TOMM40: variants seen among roughly 807,000 people sequenced by gnomAD.
TOMM40 encodes the protein mitochondrial import receptor subunit TOM40 homolog.
In TOMM40, 9 loss-of-function variants were observed where a neutral mutation model predicts 38.4. The observed-to-expected ratio is 0.23, with a 90% CI of 0.14 to 0.41. The LOEUF (loss-of-function observed/expected upper bound fraction) is 0.41, where lower values mean the gene tolerates loss of function less well. Among genes scored for constraint, TOMM40 ranks in the 10% least tolerant of loss-of-function variants. TOMM40 has a pLI of 1.00. For missense variants in TOMM40, 299 were observed against 486.5 expected (o/e 0.61, Z 3.63); for synonymous variants, 184 against 210.0 (o/e 0.88, Z 1.07).
At position 44,891,700 on chromosome 19, in the gene TOMM40, A is replaced by G; in HGVS notation, c.274+11A>G. The G allele has an allele frequency of 7.0e-7, 1 of 1,438,546 alleles. No individual in the cohort carries two copies. Among genetic ancestry groups the G allele is most frequent in the South Asian group, 1.3e-5 (1 of 74,278 alleles). 89.1% of individuals were successfully genotyped at this position (1,438,546 alleles called of 1,614,324 possible). A position where few individuals can be genotyped will look rare whatever the true frequency, so the allele number is the denominator to read the frequency against. On this transcript the variant is annotated intron_variant, in intron 1 of 8. Transcript: ENST00000426677. The stretch of plus-strand genomic sequence containing the variant: ...ACCGGAAGTGCAAGGGTGAGGGGCG[A>G]GGGGCCCCCGCTGGGCTGCGATGGC...
chr19:44,894,051 G>A lies in TOMM40; in HGVS notation c.628G>A (p.Val210Ile), dbSNP rs373123327. ...AGCCGTCACCCTGGGGAACCCAGAC[G>A]TCCTCGTGGGTTCAGGTAAGAGGCG... is the stretch of plus-strand genomic sequence containing the variant. ...TAAVTLGNPD[V>I]LVGSGILVAH... Residue 210 changes from valine to isoleucine, a missense_variant, in exon 5 of 9, where the codon GTC becomes ATC. Physicochemically the swap from Val to Ile is conservative, Grantham distance 29. Transcript: ENST00000426677. 7.3e-5 allele frequency: 110 copies of A among 1,515,514 alleles called. No individual in the cohort carries two copies. The highest frequency in any genetic ancestry group is 4.9e-4 in the African/African-American group (35 of 71,804). The allele number at this position is 1,515,514 out of a possible 1,614,324, so 93.9% of individuals were successfully genotyped here.
chr19:44,899,994 A>G (rs890593260), intron 5 of TOMM40, among the ~76,000 whole-genome samples: 3 of 151,236 alleles, frequency 2.0e-5, no homozygotes, highest in Non-Finnish European at 2.9e-5. Flanking sequence ...TTCCTCCCCA[A>G]TTCTTCTGGC....
At chr19:44,898,272 C>T (rs918597599) in intron 5 of TOMM40, among the ~76,000 whole-genome samples, 1 of 152,156 alleles carries the variant, frequency 6.6e-6, no homozygotes, top group Admixed American at 6.5e-5. Context: ...TGTGGGGCCC[C>T]TAGTCTGCCC....
intron 2 of TOMM40, 55 bp from the exon 3 acceptor site, chr19:44,892,782 T>C: frequency 6.8e-7 from 1 of 1,463,014 alleles, no homozygotes; most frequent in Non-Finnish European, 9.6e-7. Flanking sequence ...CCTTGCCCTC[T>C]TCAGTGGGCA....
At chr19:44,902,725 C>T (rs1568611888) in intron 8 of TOMM40, 1 of 268,008 alleles carries the variant, frequency 3.7e-6, no homozygotes, top group Non-Finnish European at 7.1e-6. Flanking sequence ...GGTGACCAGC[C>T]CTGTCTTCAC....
At position 44,891,567 on chromosome 19, in the gene TOMM40, G is replaced by A. The variant is rs1211297703; in HGVS notation, c.152G>A (p.Ser51Asn). The A allele has an allele frequency of 1.0e-5, 15 of 1,444,342 alleles. No individual in the cohort carries two copies. The highest frequency in any genetic ancestry group is 1.5e-5 in the African/African-American group (1 of 67,682). 89.5% of individuals were successfully genotyped at this position (1,444,342 alleles called of 1,614,324 possible). A position where few individuals can be genotyped will look rare whatever the true frequency, so the allele number is the denominator to read the frequency against. Residue 51 changes from serine to asparagine, a missense_variant, in exon 1 of 9, where the codon AGT becomes AAT. Transcript: ENST00000426677. ...AGCCTGGGCGCCGGCACCAGTACGAGTCGAAGTTCGGAACGGACCCCCGGG... is the reference window on the plus strand; with the variant it reads ...AGCCTGGGCGCCGGCACCAGTACGAATCGAAGTTCGGAACGGACCCCCGGG... ...GGSLGAGTSTSRSSERTPGAA... is the reference protein window; with the variant it reads ...GGSLGAGTSTNRSSERTPGAA...
chr19:44,903,069 A>G lies in TOMM40; in HGVS notation c.986A>G (p.Glu329Gly). 6.2e-7 allele frequency: 1 copy of G among 1,613,026 alleles called. No homozygotes were observed. Among genetic ancestry groups the G allele is most frequent in the Non-Finnish European group, 8.5e-7 (1 of 1,179,992 alleles). Residue 329 changes from glutamate to glycine, a missense_variant, in exon 9 of 9, where the codon GAG (glutamate) becomes GGG (glycine). By Grantham distance (98) the Glu-to-Gly change is moderately conservative. Transcript: ENST00000426677. ...DSNWIVGATL[E>G]KKLPPLPLTL... ...AACTGGATCGTGGGTGCCACGCTGGAGAAGAAGCTCCCACCCCTGCCCCTG... is the reference window on the plus strand; with the variant it reads ...AACTGGATCGTGGGTGCCACGCTGGGGAAGAAGCTCCCACCCCTGCCCCTG...
intron 5 of TOMM40, among the ~76,000 whole-genome samples, chr19:44,900,500 C>G (rs1417026098): frequency 6.6e-6 from 1 of 152,150 alleles, no homozygotes; most frequent in Non-Finnish European, 1.5e-5. Flanking sequence ...ACCACATGGG[C>G]TTGTGTCGAC....
chr19:44,896,584 C>T (rs1240724392), intron 5 of TOMM40, among the ~76,000 whole-genome samples: 1 of 152,164 alleles, frequency 6.6e-6, no homozygotes, highest in South Asian at 2.1e-4. Context: ...CCCAGGGTGA[C>T]ACAGCCAGGA....
intron 8 of TOMM40, chr19:44,901,669 G>C (rs144738835): frequency 8.5e-4 from 318 of 372,368 alleles, no homozygotes; most frequent in African/African-American, 6.1e-3. Flanking sequence ...CCCAGGAGGC[G>C]GAGCTTGCGG....
At chr19:44,897,584 C>T (rs1428399175) in intron 5 of TOMM40, among the ~76,000 whole-genome samples, 1 of 152,060 alleles carries the variant, frequency 6.6e-6, no homozygotes, top group Non-Finnish European at 1.5e-5. Flanking sequence ...TCCCAAGTAG[C>T]TGGGATTACA....
chr19:44,897,355 T>C (rs1277869049), intron 5 of TOMM40, among the ~76,000 whole-genome samples: 3 of 152,168 alleles, frequency 2.0e-5, no homozygotes, highest in Non-Finnish European at 4.4e-5. Flanking sequence ...ATGGCTGCTT[T>C]TCCCTCTGGG....
chr19:44,891,775 C>G, intron 1 of TOMM40, 86 bp downstream of exon 1: 1 of 1,288,348 alleles, frequency 7.8e-7, no homozygotes, highest in Non-Finnish European at 1.0e-6. Flanking sequence ...GGATTTGGCG[C>G]GCACCATTGG....
intron 5 of TOMM40, among the ~76,000 whole-genome samples, chr19:44,898,033 C>T (rs2122765156): frequency 6.6e-6 from 1 of 152,240 alleles, no homozygotes; most frequent in Non-Finnish European, 1.5e-5. Flanking sequence ...GGACCAGCTG[C>T]AGCCTACTTC....
At position 44,891,717 on chromosome 19, in the gene TOMM40, T is replaced by C. The variant is rs958682398; in HGVS notation, c.274+28T>C. On this transcript the variant is annotated intron_variant, in intron 1 of 8. Coordinates refer to ENST00000426677, the MANE Select transcript of TOMM40 (RefSeq NM_001128917.2). ...GAGGGGCGAGGGGCCCCCGCTGGGCTGCGATGGCCTGGATCTCGGGGGAAG... is the reference window on the plus strand; with the variant it reads ...GAGGGGCGAGGGGCCCCCGCTGGGCCGCGATGGCCTGGATCTCGGGGGAAG... The C allele has an allele frequency of 9.2e-6, 13 of 1,415,274 alleles. No individual in the cohort carries two copies. The Admixed American group carries it at 1.8e-4, about 19-fold the overall frequency. 87.7% of individuals were successfully genotyped at this position (1,415,274 alleles called of 1,614,324 possible).
In TOMM40 at chr19:44,892,942, T is replaced by G. The variant is rs1272873393; in HGVS notation, c.435+13T>G. 2 of 1,602,808 alleles carry G rather than the reference T, an allele frequency of 1.2e-6. No homozygotes were observed. Among genetic ancestry groups the G allele is most frequent in the Admixed American group, 3.4e-5 (2 of 59,460 alleles). Reference sequence around the variant, plus strand: ...GAGTCCCACAGAGGTGAGCTTCCTTTTTCATCCATTCATTGTATCCTTCTA... The same window carrying G: ...GAGTCCCACAGAGGTGAGCTTCCTTGTTCATCCATTCATTGTATCCTTCTA... On this transcript the variant is annotated intron_variant, in intron 3 of 8. Transcript: ENST00000426677.
chr19:44,901,004 C>G, intron 6 of TOMM40, 24 bp from the exon 7 acceptor site: 1 of 1,613,658 alleles, frequency 6.2e-7, no homozygotes, highest in Non-Finnish European at 8.5e-7. Context: ...AATGAGACCC[C>G]GCCTCCACCC....
chr19:44,899,207 CG>C (rs1201478757), intron 5 of TOMM40, among the ~76,000 whole-genome samples: 1 of 151,786 alleles, frequency 6.6e-6, no homozygotes, highest in Non-Finnish European at 1.5e-5. Flanking sequence ...AGTGCAGTGG[CG>C]TGATCATAGC....
chr19:44,892,959 A>G, intron 3 of TOMM40, 30 bp downstream of exon 3: 6 of 1,578,030 alleles, frequency 3.8e-6, no homozygotes, highest in Non-Finnish European at 5.2e-6. Flanking sequence ...CATTCATTGT[A>G]TCCTTCTAAT....
Sources: gnomAD v4.1 joint callset for allele counts (sites outside exome capture counted in the v4.1 genomes callset) on GRCh38, gnomAD v4.1.1 for gene constraint, MANE v1.5 for transcripts, NCBI Gene and HGNC (gene_info 2026-07-23, HGNC 2026-07-21) for gene names.